SYTL2: variants seen among roughly 807,000 people sequenced by gnomAD.
The protein encoded by SYTL2 is synaptotagmin like 2.
SYTL2 carries 165 observed loss-of-function variants against 198.7 expected under a neutral mutation model. The observed-to-expected ratio is 0.83, with a 90% CI of 0.73 to 0.94. SYTL2 has a LOEUF of 0.94. Ranked by LOEUF, SYTL2 falls within the 40% of genes least tolerant of loss-of-function variation. SYTL2 has a pLI of 0.00. For synonymous variants in SYTL2, 966 were observed against 917.7 expected (o/e 1.05, Z -0.95); for missense variants, 2,835 against 2,582.8 (o/e 1.10, Z -2.12).
intron 1 of SYTL2, among the ~76,000 whole-genome samples, chr11:85,801,353 T>C (rs781139938): frequency 6.6e-6 from 1 of 152,218 alleles, no homozygotes; most frequent in Non-Finnish European, 1.5e-5. Flanking sequence ...TGTTGAAAAG[T>C]GGTAAACATG....
intron 9 of SYTL2, 27 bp downstream of exon 9, chr11:85,720,831 G>T (rs2088187860): frequency 6.6e-7 from 1 of 1,525,492 alleles, no homozygotes; most frequent in South Asian, 1.1e-5. Flanking sequence ...GATGGGGCAT[G>T]AACAGTGAGG....
At chr11:85,793,038 T>C (rs1193133423) in intron 1 of SYTL2, among the ~76,000 whole-genome samples, 2 of 152,012 alleles carry the variant, frequency 1.3e-5, no homozygotes, top group Non-Finnish European at 1.5e-5. Flanking sequence ...TTGTTGAACA[T>C]TTGGGTTGGT....
intron 1 of SYTL2, among the ~76,000 whole-genome samples, chr11:85,765,650 C>T (rs1334986897): frequency 1.3e-5 from 2 of 152,212 alleles, no homozygotes; most frequent in Admixed American, 1.3e-4. Context: ...CTACTTCATT[C>T]ATCTCCTCCA....
intron 2 of SYTL2, among the ~76,000 whole-genome samples, chr11:85,753,820 T>C (rs1453783580): frequency 6.8e-6 from 1 of 146,766 alleles, no homozygotes; most frequent in Non-Finnish European, 1.5e-5. Flanking sequence ...CTAAATCATC[T>C]CCAAAGTATC....
At chr11:85,731,480 G>A (rs1356413319) in intron 7 of SYTL2, among the ~76,000 whole-genome samples, 1 of 152,152 alleles carries the variant, frequency 6.6e-6, no homozygotes, top group Admixed American at 6.5e-5. Flanking sequence ...ACAAGCAATG[G>A]GGAAAGGATT....
At chr11:85,762,555 C>G (rs2092126928) in intron 1 of SYTL2, among the ~76,000 whole-genome samples, 1 of 152,222 alleles carries the variant, frequency 6.6e-6, no homozygotes, top group African/African-American at 2.4e-5. Context: ...CTGTAGGACT[C>G]TCCATGAACT....
At chr11:85,719,615 G>A (rs964643273) in intron 9 of SYTL2, among the ~76,000 whole-genome samples, 1 of 152,030 alleles carries the variant, frequency 6.6e-6, no homozygotes, top group South Asian at 2.1e-4. Flanking sequence ...GCATTCAGGC[G>A]GATATGGGGG....
rs2088947695 is a variant in SYTL2 at position 85,725,125 on chromosome 11, T to C, written c.4233A>G (p.Leu1411=). The C allele has an allele frequency of 1.9e-6, 3 of 1,614,126 alleles. No individual in the cohort carries two copies. The highest frequency in any genetic ancestry group is 2.2e-5 in the South Asian group (2 of 91,078). The change falls in exon 8 of 20, where the codon CTA becomes CTG. Residue 1411 remains leucine (L), a synonymous_variant. Transcript: ENST00000359152. ...PEAVQPVCSP[L]NPPGVISPWA... The stretch of plus-strand genomic sequence containing the variant: ...ATGGTGATATCACTCCTGGAGGATT[T>C]AGGGGGCTACATACTGGCTGTACTG...
the SYTL2 span, among the ~76,000 whole-genome samples, chr11:85,823,457 C>T: frequency 6.6e-6 from 1 of 152,180 alleles, no homozygotes; most frequent in Non-Finnish European, 1.5e-5. Flanking sequence ...ATTTCTAAGG[C>T]AAGAAATAGC....
At chr11:85,760,892 G>A (rs1042644477) in intron 1 of SYTL2, among the ~76,000 whole-genome samples, 1 of 152,146 alleles carries the variant, frequency 6.6e-6, no homozygotes, top group African/African-American at 2.4e-5. Flanking sequence ...CCTTTTAATT[G>A]GGTAGGTAGG....
At chr11:85,700,015 T>C (rs1441021882) in intron 17 of SYTL2, among the ~76,000 whole-genome samples, 2 of 152,116 alleles carry the variant, frequency 1.3e-5, no homozygotes, top group South Asian at 2.1e-4. Flanking sequence ...AACACAGGAA[T>C]ACACAAATTC....
intron 1 of SYTL2, among the ~76,000 whole-genome samples, chr11:85,770,957 G>A (rs561066932): frequency 3.3e-4 from 51 of 152,268 alleles, no homozygotes; most frequent in East Asian, 5.8e-4. Flanking sequence ...CCTGAGCCTC[G>A]GGTTTCTCAT....
intron 1 of SYTL2, among the ~76,000 whole-genome samples, chr11:85,796,115 C>T (rs1374696385): frequency 4.6e-5 from 7 of 152,146 alleles, no homozygotes; most frequent in African/African-American, 1.7e-4. Context: ...TCAGGCAGCA[C>T]AGGGAAGAAA....
At chr11:85,768,672 T>C (rs1489138743) in intron 1 of SYTL2, among the ~76,000 whole-genome samples, 1 of 152,220 alleles carries the variant, frequency 6.6e-6, no homozygotes, top group East Asian at 1.9e-4. Context: ...TACACCATTT[T>C]AAGAATGAGT....
Position 85,727,941 on chromosome 11 carries a change from C to T in SYTL2, c.1417G>A (p.Glu473Lys). 6.2e-7 allele frequency: 1 copy of T among 1,611,352 alleles called. No individual in the cohort carries two copies. Among genetic ancestry groups the T allele is most frequent in the South Asian group, 1.1e-5 (1 of 90,574 alleles). The change falls in exon 8 of 20, where the codon GAG becomes AAG. Residue 473 changes from glutamate (E) to lysine (K), a missense_variant. Glu to Lys is a moderately conservative substitution (Grantham distance 56). This residue lies in a region of SYTL2 where 2,645 missense variants were observed against 2,381.7 expected (regional missense o/e 1.11). Transcript: ENST00000359152. ...ADELSHCVEP[E>K]PSQVPGGSSR... ...CTGCCACCTGGCACCTGAGATGGCT[C>T]AGGCTCAACACAATGAGACAGTTCA...
intron 17 of SYTL2, 125 bp from the exon 18 acceptor site, chr11:85,698,203 G>C: frequency 1.5e-6 from 1 of 653,578 alleles, no homozygotes; most frequent in Non-Finnish European, 2.7e-6. Context: ...GATATCATCT[G>C]AACTGATTAA....
chr11:85,695,390 G>A (rs754021368), intron 19 of SYTL2, 50 bp from the exon 20 acceptor site: 2 of 1,451,480 alleles, frequency 1.4e-6, no homozygotes, highest in South Asian at 2.9e-5. Context: ...ATTGGGGGTA[G>A]GGGAAAGAGG....
intron 1 of SYTL2, among the ~76,000 whole-genome samples, chr11:85,792,123 T>G (rs1158298010): frequency 6.6e-6 from 1 of 152,078 alleles, no homozygotes; most frequent in African/African-American, 2.4e-5. Context: ...GGGTATAGTC[T>G]GCTCCAGGGA....
At chr11:85,779,430 A>C (rs2092519013) in intron 1 of SYTL2, among the ~76,000 whole-genome samples, 1 of 152,220 alleles carries the variant, frequency 6.6e-6, no homozygotes, top group Admixed American at 6.5e-5. Flanking sequence ...TGTCATTATC[A>C]TTCCTATTTC....
Sources: gnomAD v4.1 joint callset for allele counts (sites outside exome capture counted in the v4.1 genomes callset) on GRCh38, gnomAD v4.1.1 for gene constraint, gnomAD v4.1.1 regional missense constraint, MANE v1.5 for transcripts, NCBI Gene and HGNC (gene_info 2026-07-23, HGNC 2026-07-21) for gene names.